The following HECW2 variants were observed in gnomAD, a reference collection of about 807,000 sequenced individuals.
HECW2 encodes the protein E3 ubiquitin-protein ligase HECW2.
A neutral mutation model predicts 175.2 loss-of-function variants in HECW2; 61 were observed. The observed-to-expected ratio is 0.35, with a 90% confidence interval of 0.28 to 0.43. HECW2 has a LOEUF of 0.43. HECW2 is among the 20% of genes least tolerant of loss of function. HECW2 has a pLI of 1.00. For synonymous variants in HECW2, 671 were observed against 731.0 expected, an observed-to-expected ratio of 0.92 and a Z score of 1.32; for missense variants, 1,524 against 2,000.5, an observed-to-expected ratio of 0.76 and a Z score of 4.54.
rs763119795 is a variant in HECW2, at chr2:196,319,641, T to C, written c.1249A>G (p.Asn417Asp). 6.2e-7 allele frequency: 1 copy of C among 1,614,136 alleles called. No homozygotes were observed. Among genetic ancestry groups the C allele is most frequent in the Non-Finnish European group, 8.5e-7 (1 of 1,180,032 alleles). Residue 417 changes from asparagine (N) to aspartate (D), a missense_variant, in exon 9 of 29, where the codon AAT becomes GAT. Coordinates refer to ENST00000644978, the MANE Select transcript of HECW2 (RefSeq NM_001348768.2). Reference protein sequence around the residue: ...SPPRGRQDSLNDYLDAIEHNG... With the variant: ...SPPRGRQDSLDDYLDAIEHNG... ...TGTTCGATAGCATCTAAGTAATCAT[T>C]GAGTGAATCCTGACGTCCTCTGGGA...
chr2:196,422,375 T>C (rs923303440), intron 2 of HECW2, among the ~76,000 whole-genome samples: 1 of 152,168 alleles, frequency 6.6e-6, no homozygotes, highest in Non-Finnish European at 1.5e-5. Context: ...GTGAAATGTG[T>C]GGCTTTGGTG....
chr2:196,306,359 A>C, intron 13 of HECW2, 129 bp downstream of exon 13: 2 of 983,612 alleles, frequency 2.0e-6, no homozygotes, highest in Non-Finnish European at 1.5e-6. Context: ...AGTGCTCAAC[A>C]CAAAGCTTGG....
At chr2:196,212,167 T>C (rs1223067806) in intron 28 of HECW2, among the ~76,000 whole-genome samples, 3 of 150,172 alleles carry the variant, frequency 2.0e-5, no homozygotes, top group Non-Finnish European at 4.4e-5. Flanking sequence ...GAAGGACATC[T>C]ATCCATTTTT....
At chr2:196,368,397 T>C (rs59508560) in intron 2 of HECW2, among the ~76,000 whole-genome samples, 11,259 of 152,326 alleles carry the variant, frequency 0.074, 632 homozygotes, top group African/African-American at 0.16. Context: ...CTACTGCTTT[T>C]AGCATCCTTT....
At chr2:196,469,176 T>C (rs902609047) in intron 1 of HECW2, among the ~76,000 whole-genome samples, 1 of 146,910 alleles carries the variant, frequency 6.8e-6, no homozygotes, top group Non-Finnish European at 1.5e-5. Flanking sequence ...GCCAAGAAAA[T>C]TGTAAAAAGG....
intron 19 of HECW2, among the ~76,000 whole-genome samples, chr2:196,243,533 G>A (rs1194596423): frequency 6.6e-6 from 1 of 151,968 alleles, no homozygotes; most frequent in Non-Finnish European, 1.5e-5. Context: ...TATTTTATAC[G>A]TTATTCAATG....
intron 1 of HECW2, among the ~76,000 whole-genome samples, chr2:196,580,944 G>A (rs1690755993): frequency 6.6e-6 from 1 of 152,160 alleles, no homozygotes; most frequent in Non-Finnish European, 1.5e-5. Context: ...CAAAACTCAT[G>A]CAGTGAAATA....
At chr2:196,358,378 G>C (rs1369943824) in intron 2 of HECW2, among the ~76,000 whole-genome samples, 2 of 151,150 alleles carry the variant, frequency 1.3e-5, no homozygotes. Flanking sequence ...GTTCGAGATC[G>C]GCCTGACCAA....
intron 2 of HECW2, among the ~76,000 whole-genome samples, chr2:196,384,232 C>G (rs753100952): frequency 6.6e-6 from 1 of 152,014 alleles, no homozygotes; most frequent in South Asian, 2.1e-4. Context: ...TTTACTGGAA[C>G]CTGGGGACAA....
Position 196,198,632 on chromosome 2 carries a change from G to T in HECW2, c.*2645C>A, listed in dbSNP as rs1342988063. On this transcript the variant is annotated 3_prime_UTR_variant, in exon 29 of 29. Transcript: ENST00000644978. Reference sequence around the variant, plus strand: ...TGCATACATATATGATGTATTAAGAGTGTCTTCTATAGTATAAAGAGCATC... The same window carrying T: ...TGCATACATATATGATGTATTAAGATTGTCTTCTATAGTATAAAGAGCATC... 6.6e-6 allele frequency: 1 copy of T among 152,204 alleles called. No individual in the cohort carries two copies. Among genetic ancestry groups the T allele is most frequent in the Non-Finnish European group, 1.5e-5 (1 of 68,026 alleles). 9.4% of individuals were successfully genotyped at this position (152,204 alleles called of 1,614,324 possible). A position where few individuals can be genotyped will look rare whatever the true frequency, so the allele number is the denominator to read the frequency against.
chr2:196,331,905 T>C (rs1238220056), intron 4 of HECW2, among the ~76,000 whole-genome samples: 1 of 152,202 alleles, frequency 6.6e-6, no homozygotes, highest in Non-Finnish European at 1.5e-5. Context: ...ACTCACTCCA[T>C]AGATTCATTC....
At chr2:196,488,114 T>C (rs1199001404) in intron 1 of HECW2, among the ~76,000 whole-genome samples, 2 of 152,216 alleles carry the variant, frequency 1.3e-5, no homozygotes, top group Non-Finnish European at 2.9e-5. Flanking sequence ...AAGACTGTCA[T>C]TACCACACTA....
chr2:196,319,294 A>C lies in HECW2; in HGVS notation c.1596T>G (p.Asn532Lys). ...AGGAGCTCTCTGCAAGCTCTGGAAG[A>C]TTTTCTGGCTTATCCTCAAAGGAAG... ...EAASFEDKPE[N>K]LPELAESSLP... The change falls in exon 9 of 29, where the codon AAT (asparagine) becomes AAG (lysine). Residue 532 changes from asparagine to lysine, a missense_variant. Around this residue, in one of 11 missense-constraint regions of HECW2, gnomAD observed 604 missense variants for 588.3 expected, o/e 1.03. Transcript: ENST00000644978. The C allele has an allele frequency of 6.2e-7, 1 of 1,612,332 alleles. No homozygotes were observed. The highest frequency in any genetic ancestry group is 1.1e-5 in the South Asian group (1 of 90,580).
chr2:196,225,670 G>T, intron 23 of HECW2, 102 bp downstream of exon 23: 3 of 704,448 alleles, frequency 4.3e-6, no homozygotes, highest in Non-Finnish European at 7.5e-6. Context: ...ACAAATTTGA[G>T]ATTGTGAACA....
At chr2:196,256,501 C>T (rs1252874620) in intron 18 of HECW2, among the ~76,000 whole-genome samples, 1 of 152,110 alleles carries the variant, frequency 6.6e-6, no homozygotes, top group African/African-American at 2.4e-5. Context: ...AAATTTAAGA[C>T]TATACCATCT....
At chr2:196,410,025 A>G (rs183450560) in intron 2 of HECW2, among the ~76,000 whole-genome samples, 52 of 152,308 alleles carry the variant, frequency 3.4e-4, no homozygotes, top group Non-Finnish European at 6.8e-4. Flanking sequence ...AATAACATTT[A>G]GTTAAATGTT....
At chr2:196,247,163 A>G (rs1688677752) in intron 19 of HECW2, among the ~76,000 whole-genome samples, 2 of 152,088 alleles carry the variant, frequency 1.3e-5, no homozygotes, top group Non-Finnish European at 1.5e-5. Flanking sequence ...AGGCAGGAGA[A>G]TCACTTGAAC....
At chr2:196,343,985 G>A (rs1312066018) in intron 2 of HECW2, among the ~76,000 whole-genome samples, 2 of 152,172 alleles carry the variant, frequency 1.3e-5, no homozygotes, top group African/African-American at 4.8e-5. Flanking sequence ...GCATCTCTGG[G>A]CTTGGCCAAG....
chr2:196,395,017 T>G (rs1575496563), intron 2 of HECW2, among the ~76,000 whole-genome samples: 1 of 152,320 alleles, frequency 6.6e-6, no homozygotes, highest in East Asian at 1.9e-4. Flanking sequence ...AGGGGCCAGA[T>G]AGCTCTTTGG....
Sources: gnomAD v4.1 joint callset for allele counts (sites outside exome capture counted in the v4.1 genomes callset) on GRCh38, gnomAD v4.1.1 for gene constraint, gnomAD v4.1.1 regional missense constraint, MANE v1.5 for transcripts, NCBI Gene and HGNC (gene_info 2026-07-23, HGNC 2026-07-21) for gene names.